The following DIPK1C variants were observed in gnomAD, a reference collection of about 807,000 sequenced individuals.
DIPK1C encodes the protein divergent protein kinase domain 1C, also known as familial non-conventional Alzheimer's dementia.
DIPK1C carries 33 observed loss-of-function variants against 28.0 expected under a neutral mutation model. The ratio of observed to expected loss-of-function variants is 1.18; its 90% CI spans 0.89 to 1.58. The LOEUF (loss-of-function observed/expected upper bound fraction) is 1.58. Among genes scored for constraint, DIPK1C ranks in the 40% most tolerant of loss-of-function variants. The pLI is 0.00. For synonymous variants in DIPK1C, 255 were observed against 248.8 expected, an observed-to-expected ratio of 1.02 and a Z score of -0.23; for missense variants, 569 against 568.5, an observed-to-expected ratio of 1.00 and a Z score of -0.01.
rs1986134520 is a variant in DIPK1C, at chr18:74,441,938, GC to G, written c.1041+13del. The G allele has an allele frequency of 6.2e-7, 1 of 1,609,770 alleles. No individual in the cohort carries two copies. Among genetic ancestry groups the G allele is most frequent in the Non-Finnish European group, 8.5e-7 (1 of 1,177,282 alleles). ...AGCACCCTCTCCTCCCCCAGCCCTG[GC>G]GGACTCTCATACCTGCAGGTTGTTG... is the stretch of plus-strand genomic sequence containing the variant. On this transcript the variant is annotated intron_variant, in intron 3 of 3. Transcript: ENST00000343998.
At chr18:74,445,221 TC>T (rs1386362320) in intron 2 of DIPK1C, among the ~76,000 whole-genome samples, 1 of 151,828 alleles carries the variant, frequency 6.6e-6, no homozygotes, top group East Asian at 1.9e-4. Context: ...GTGGGTCGTT[TC>T]CCCCCAACAC....
At chr18:74,449,904 C>G (rs990596281) in intron 1 of DIPK1C, among the ~76,000 whole-genome samples, 8 of 152,184 alleles carry the variant, frequency 5.3e-5, no homozygotes, top group Non-Finnish European at 8.8e-5. Context: ...CACTCTTTCC[C>G]AGGCACGGGG....
chr18:74,464,478 C>A, the DIPK1C span, among the ~76,000 whole-genome samples: 122 of 152,358 alleles, frequency 8.0e-4, no homozygotes, highest in African/African-American at 2.7e-3. Flanking sequence ...ACATCTCCCA[C>A]CAGAGTGGTA....
At chr18:74,463,733 A>G in the DIPK1C span, among the ~76,000 whole-genome samples, 1 of 152,182 alleles carries the variant, frequency 6.6e-6, no homozygotes, top group Admixed American at 6.5e-5. Context: ...GGAAAAAGTG[A>G]CATCCTAGGA....
In DIPK1C at chr18:74,436,826, C is replaced by G. The variant is rs1475175631; in HGVS notation, c.1042-107G>C. ...CAGATTTCAGCTTCTCTCCCACCCC[C>G]ACCCCCGTCCTTCAGGGAGCACACT... is the stretch of plus-strand genomic sequence containing the variant. On this transcript the variant is annotated intron_variant, in intron 3 of 3. Coordinates refer to ENST00000343998, the MANE Select transcript of DIPK1C (RefSeq NM_001044369.3). The G allele has an allele frequency of 5.7e-6, 6 of 1,050,160 alleles. No individual in the cohort carries two copies. In the East Asian group the frequency reaches 1.0e-4, roughly 18 times the overall value. The allele number at this position is 1,050,160 out of a possible 1,614,324, so 65.1% of individuals were successfully genotyped here. A position where few individuals can be genotyped will look rare whatever the true frequency, so the allele number is the denominator to read the frequency against.
upstream of DIPK1C, chr18:74,457,393 G>A (rs1986542691): frequency 1.6e-6 from 1 of 639,276 alleles, no homozygotes; most frequent in Non-Finnish European, 1.9e-6. Context: ...GTTGGGGCAG[G>A]CCCCGCGCCT....
chr18:74,457,205 G>A lies in DIPK1C; in HGVS notation c.55C>T (p.Arg19Cys). The change falls in exon 1 of 4, where the codon CGC becomes TGC. Residue 19 changes from arginine to cysteine, a missense_variant. Arg to Cys is a radical substitution (Grantham distance 180, BLOSUM62 -3). Coordinates refer to ENST00000343998, the MANE Select transcript of DIPK1C (RefSeq NM_001044369.3). Reference sequence around the variant, plus strand: ...GCGAGGAGCGTGCCCCGCCCGCAGCGCCCGCGCCTCCTGCACCACCCGGCA... The same window carrying A: ...GCGAGGAGCGTGCCCCGCCCGCAGCACCCGCGCCTCCTGCACCACCCGGCA... ...GPAGWCRRRG[R>C]CGRGTLLAFA... 1 of 1,192,762 alleles carries A rather than the reference G, an allele frequency of 8.4e-7. No homozygotes were observed. Among genetic ancestry groups the A allele is most frequent in the South Asian group, 3.5e-5 (1 of 28,626 alleles). The allele number at this position is 1,192,762 out of a possible 1,614,324, so 73.9% of individuals were successfully genotyped here.
At position 74,442,263 on chromosome 18, in the gene DIPK1C, C is replaced by T. The variant is rs943299179; in HGVS notation, c.877-147G>A. On this transcript the variant is annotated intron_variant, in intron 2 of 3. Coordinates refer to ENST00000343998, the MANE Select transcript of DIPK1C (RefSeq NM_001044369.3). Reference sequence around the variant, plus strand: ...GAAGTCCCAAGAGCCAAGAGGAAAGCCCCAGCCATGCCCTGGGGAGTGGAT... The same window carrying T: ...GAAGTCCCAAGAGCCAAGAGGAAAGTCCCAGCCATGCCCTGGGGAGTGGAT... 1.6e-5 allele frequency: 13 copies of T among 838,674 alleles called. No individual in the cohort carries two copies. In the Admixed American group the frequency reaches 3.3e-4, roughly 21 times the overall value. 52.0% of individuals were successfully genotyped at this position (838,674 alleles called of 1,614,324 possible).
chr18:74,448,656 C>G (rs1162294351), intron 1 of DIPK1C, among the ~76,000 whole-genome samples: 1 of 152,146 alleles, frequency 6.6e-6, no homozygotes, highest in Non-Finnish European at 1.5e-5. Context: ...TGCACGAGCA[C>G]CAGGCATCAG....
chr18:74,461,217 T>A (rs1177957123), upstream of DIPK1C, among the ~76,000 whole-genome samples: 3 of 152,200 alleles, frequency 2.0e-5, no homozygotes, highest in East Asian at 5.8e-4. Flanking sequence ...CTCAACCATC[T>A]GCCCAGGAAC....
chr18:74,449,658 G>A (rs1212204543), intron 1 of DIPK1C, among the ~76,000 whole-genome samples: 5 of 152,134 alleles, frequency 3.3e-5, no homozygotes, highest in African/African-American at 4.8e-5. Flanking sequence ...AATGATGCAC[G>A]CGAGACAGGC....
chr18:74,457,031 C>T (rs1986529629), intron 1 of DIPK1C, 31 bp downstream of exon 1: 3 of 1,392,534 alleles, frequency 2.2e-6, no homozygotes, highest in South Asian at 1.6e-5. Context: ...CCCGGACGCG[C>T]GGCGCGGGGC....
intron 3 of DIPK1C, among the ~76,000 whole-genome samples, chr18:74,439,586 T>TGG (rs1003286642): frequency 3.3e-5 from 5 of 152,092 alleles, no homozygotes; most frequent in Non-Finnish European, 5.9e-5. Context: ...GAGGCCAAGA[T>TGG]GGGAGGATCA....
chr18:74,449,265 G>T (rs12458571), intron 1 of DIPK1C, among the ~76,000 whole-genome samples: 1 of 152,160 alleles, frequency 6.6e-6, no homozygotes. Context: ...TTTTGCTGTA[G>T]AATTATTAAC....
At chr18:74,446,174 C>T (rs1005908671) in intron 2 of DIPK1C, among the ~76,000 whole-genome samples, 1 of 152,238 alleles carries the variant, frequency 6.6e-6, no homozygotes, top group African/African-American at 2.4e-5. Flanking sequence ...TGTCACAGAG[C>T]ATGGGCAGCT....
Position 74,457,053 on chromosome 18 carries a change from G to A in DIPK1C, c.198+9C>T. 1.4e-6 allele frequency: 2 copies of A among 1,444,998 alleles called. No individual in the cohort carries two copies. The highest frequency in any genetic ancestry group is 1.4e-5 in the South Asian group (1 of 72,458). The allele number at this position is 1,444,998 out of a possible 1,614,324, so 89.5% of individuals were successfully genotyped here. On this transcript the variant is annotated intron_variant, in intron 1 of 3. Coordinates refer to ENST00000343998, the MANE Select transcript of DIPK1C (RefSeq NM_001044369.3). Reference sequence around the variant, plus strand: ...GCGCGGCGCGGGGCAGAGCGGCGGCGGGACCTACCAGCGCGGCCAGGATGC... The same window carrying A: ...GCGCGGCGCGGGGCAGAGCGGCGGCAGGACCTACCAGCGCGGCCAGGATGC...
rs772398139 is a variant in DIPK1C, at chr18:74,441,971, C to G, written c.1022G>C (p.Arg341Pro). ...DLRVNKCGAQRVNNNLQVICD... is the reference protein window; with the variant it reads ...DLRVNKCGAQPVNNNLQVICD... ...TCATACCTGCAGGTTGTTGTTTACG[C>G]GCTGCGCTCCGCATTTGTTGACTCG... Residue 341 changes from arginine (R) to proline (P), a missense_variant, in exon 3 of 4, where the codon CGC (arginine) becomes CCC (proline). By Grantham distance (103) the Arg-to-Pro change is moderately radical. Transcript: ENST00000343998. 7 of 1,613,986 alleles carry G rather than the reference C, an allele frequency of 4.3e-6. No individual in the cohort carries two copies. In the South Asian group the frequency reaches 7.7e-5, roughly 18 times the overall value.
At position 74,436,496 on chromosome 18, in the gene DIPK1C, AGT is replaced by A; in HGVS notation, c.*3_*4del. 6.3e-7 allele frequency: 1 copy of A among 1,592,280 alleles called. No homozygotes were observed. Among genetic ancestry groups the A allele is most frequent in the South Asian group, 1.1e-5 (1 of 87,790 alleles). On this transcript the variant is annotated 3_prime_UTR_variant, in exon 4 of 4. Coordinates refer to ENST00000343998, the MANE Select transcript of DIPK1C (RefSeq NM_001044369.3). ...TGTGTGAGCATGTTTAAGGCCAGAG[AGT>A]GGCTACTTCTCTGCCTCCTGCAGCT...
rs1002792589 is a variant in DIPK1C at position 74,446,849 on chromosome 18, G to A, written c.633C>T (p.Pro211=). The A allele has an allele frequency of 1.5e-5, 23 of 1,508,440 alleles. 1 individual carries two copies. The highest frequency in any genetic ancestry group is 3.5e-4 in the Middle Eastern group (2 of 5,748). 93.4% of individuals were successfully genotyped at this position (1,508,440 alleles called of 1,614,324 possible). Residue 211 remains proline, a synonymous_variant, in exon 2 of 4, where the codon CCC becomes CCT. Transcript: ENST00000343998. Reference sequence around the variant, plus strand: ...AGAAGTGGCCGCAGGAACCCAGCACGGGCAGCACGTGTGGGCTCAGGTCCT... The same window carrying A: ...AGAAGTGGCCGCAGGAACCCAGCACAGGCAGCACGTGTGGGCTCAGGTCCT... ...LLQDLSPHVL[P]VLGSCGHFYA... is the part of the protein sequence containing the mutation.
Sources: gnomAD v4.1 joint callset for allele counts (sites outside exome capture counted in the v4.1 genomes callset) on GRCh38, gnomAD v4.1.1 for gene constraint, MANE v1.5 for transcripts, NCBI Gene and HGNC (gene_info 2026-07-23, HGNC 2026-07-21) for gene names.